Variants in PTPRT observed in about 807,000 individuals in gnomAD.
The protein encoded by PTPRT is receptor-type tyrosine-protein phosphatase T.
In PTPRT, 56 loss-of-function variants were observed where a neutral mutation model predicts 176.8. The ratio of observed to expected loss-of-function variants is 0.32; its 90% CI spans 0.26 to 0.40. PTPRT has a LOEUF of 0.40. Among genes scored for constraint, PTPRT ranks in the 10% least tolerant of loss-of-function variants. The probability of loss-of-function intolerance (pLI) is 1.00; values close to 1 mark genes in which losing one functional copy is unlikely to be tolerated. For synonymous variants in PTPRT, 783 were observed against 739.0 expected, an observed-to-expected ratio of 1.06 and a Z score of -0.96; for missense variants, 1,540 against 1,908.2, an observed-to-expected ratio of 0.81 and a Z score of 3.60.
At position 42,350,700 on chromosome 20, in the gene PTPRT, G is replaced by T. The variant is rs781098660; in HGVS notation, c.1793C>A (p.Thr598Asn). 3 of 1,613,728 alleles carry T rather than the reference G, an allele frequency of 1.9e-6. No homozygotes were observed. The highest frequency in any genetic ancestry group is 2.5e-6 in the Non-Finnish European group (3 of 1,179,634). ...GGTCGTGTCTGTCTCATTCAATGGG[G>T]TGTCTGTGTCGTACTCAGGCATGGA... ...APSMPEYDTD[T>N]PLNETDTTIT... Residue 598 changes from threonine (T) to asparagine (N), a missense_variant, in exon 11 of 31, where the codon ACC becomes AAC. Coordinates refer to ENST00000373187, the MANE Select transcript of PTPRT (RefSeq NM_007050.6).
At chr20:42,986,906 G>A (rs957778454) in intron 1 of PTPRT, among the ~76,000 whole-genome samples, 8 of 152,150 alleles carry the variant, frequency 5.3e-5, no homozygotes, top group African/African-American at 1.9e-4. Flanking sequence ...CTCTGGGAGA[G>A]GACTAACCCA....
chr20:42,648,820 G>GTTTTTTTTTTGTTTT (rs2074967779), intron 7 of PTPRT, among the ~76,000 whole-genome samples: 2 of 111,834 alleles, frequency 1.8e-5, no homozygotes, highest in African/African-American at 7.5e-5. Flanking sequence ...TGGTGTCGTT[G>GTTTTTTTTTTGTTTT]TTTTTTTTTT....
At chr20:42,696,942 G>T (rs1442957863) in intron 6 of PTPRT, among the ~76,000 whole-genome samples, 1 of 152,138 alleles carries the variant, frequency 6.6e-6, no homozygotes, top group Admixed American at 6.5e-5. Context: ...ATTCTTGTGA[G>T]ATAATAAATG....
chr20:42,413,196 C>A (rs930804421), intron 9 of PTPRT, among the ~76,000 whole-genome samples: 1 of 152,000 alleles, frequency 6.6e-6, no homozygotes, highest in African/African-American at 2.4e-5. Flanking sequence ...CACAAATGAA[C>A]AAATTTGACT....
At chr20:43,034,589 G>A (rs572791124) in intron 1 of PTPRT, among the ~76,000 whole-genome samples, 49 of 151,142 alleles carry the variant, frequency 3.2e-4, no homozygotes, top group African/African-American at 1.1e-3. Flanking sequence ...AAACTGAAAG[G>A]AGAGAAAGCC....
At chr20:42,913,073 C>T (rs909613889) in intron 1 of PTPRT, among the ~76,000 whole-genome samples, 1 of 150,684 alleles carries the variant, frequency 6.6e-6, no homozygotes, top group Non-Finnish European at 1.5e-5. Flanking sequence ...AAACAATCAT[C>T]TCTTCTTTAC....
intron 9 of PTPRT, among the ~76,000 whole-genome samples, chr20:42,383,634 T>C (rs1327407278): frequency 6.6e-6 from 1 of 152,066 alleles, no homozygotes; most frequent in Non-Finnish European, 1.5e-5. Flanking sequence ...ACAGCTATAA[T>C]AGGAAAATAC....
intron 23 of PTPRT, among the ~76,000 whole-genome samples, chr20:42,108,407 A>ATAATT (rs1302192497): frequency 4.0e-5 from 6 of 151,190 alleles, no homozygotes; most frequent in African/African-American, 1.5e-4. Context: ...GATGTTGATA[A>ATAATT]TAATTAAAAT....
chr20:42,556,623 G>A (rs935305379), intron 7 of PTPRT, among the ~76,000 whole-genome samples: 5 of 152,058 alleles, frequency 3.3e-5, no homozygotes, highest in African/African-American at 1.2e-4. Flanking sequence ...GTAACTCTCA[G>A]AAGTTCTCAC....
At chr20:42,801,562 A>G (rs933093068) in intron 2 of PTPRT, among the ~76,000 whole-genome samples, 1 of 152,240 alleles carries the variant, frequency 6.6e-6, no homozygotes, top group African/African-American at 2.4e-5. Context: ...GTCTGACACT[A>G]GGGGAACAGC....
chr20:42,416,578 G>T (rs2059068290), intron 9 of PTPRT, among the ~76,000 whole-genome samples: 1 of 152,172 alleles, frequency 6.6e-6, no homozygotes, highest in East Asian at 1.9e-4. Flanking sequence ...TTAAATAGAA[G>T]AAATTGTTTG....
intron 6 of PTPRT, among the ~76,000 whole-genome samples, chr20:42,692,861 T>C (rs568289138): frequency 1.3e-5 from 2 of 152,114 alleles, no homozygotes; most frequent in African/African-American, 2.4e-5. Context: ...ATTTACCCAA[T>C]CAATGGTAAT....
At chr20:42,873,813 T>C (rs935171787) in intron 2 of PTPRT, among the ~76,000 whole-genome samples, 2 of 152,232 alleles carry the variant, frequency 1.3e-5, no homozygotes, top group Non-Finnish European at 2.9e-5. Context: ...AATGGATTAC[T>C]GGATTTTCCA....
At chr20:42,352,675 T>A (rs1019132313) in intron 9 of PTPRT, among the ~76,000 whole-genome samples, 1 of 152,200 alleles carries the variant, frequency 6.6e-6, no homozygotes, top group Non-Finnish European at 1.5e-5. Flanking sequence ...CGGTCTATGG[T>A]CAAAAATAAT....
intron 1 of PTPRT, among the ~76,000 whole-genome samples, chr20:43,135,206 T>C (rs2013788320): frequency 6.6e-6 from 1 of 152,220 alleles, no homozygotes; most frequent in African/African-American, 2.4e-5. Flanking sequence ...AAAGGCACGA[T>C]GCTGCCAACT....
chr20:42,387,440 C>T (rs2058755434), intron 9 of PTPRT, among the ~76,000 whole-genome samples: 1 of 152,192 alleles, frequency 6.6e-6, no homozygotes, highest in African/African-American at 2.4e-5. Context: ...GGGGCAGCAA[C>T]AAGTCATACA....
chr20:42,036,490 C>G, the PTPRT span, among the ~76,000 whole-genome samples: 93 of 152,128 alleles, frequency 6.1e-4, 1 homozygote, highest in Non-Finnish European at 1.5e-4. Context: ...AGTAGCAGAG[C>G]TCAATATTCT....
chr20:42,201,834 C>T (rs777898012), intron 15 of PTPRT, among the ~76,000 whole-genome samples: 5 of 151,370 alleles, frequency 3.3e-5, no homozygotes, highest in Non-Finnish European at 5.9e-5. Context: ...TCAGAAGTGG[C>T]AAGTGATCTT....
At chr20:42,833,547 C>T (rs1052470927) in intron 2 of PTPRT, among the ~76,000 whole-genome samples, 1 of 151,870 alleles carries the variant, frequency 6.6e-6, no homozygotes, top group African/African-American at 2.4e-5. Context: ...CACATCTCTG[C>T]ACTCCACACT....
Sources: gnomAD v4.1 joint callset for allele counts (sites outside exome capture counted in the v4.1 genomes callset) on GRCh38, gnomAD v4.1.1 for gene constraint, MANE v1.5 for transcripts, NCBI Gene and HGNC (gene_info 2026-07-23, HGNC 2026-07-21) for gene names.